The following CXCL13 variants were observed in gnomAD, a reference collection of about 807,000 sequenced individuals.
The protein encoded by CXCL13 is C-X-C motif chemokine 13.
A neutral mutation model predicts 12.2 loss-of-function variants in CXCL13; 7 were observed. The observed-to-expected ratio is 0.57, with a 90% CI of 0.33 to 1.07. The LOEUF is 1.07. Among genes scored for constraint, CXCL13 ranks in the 50% least tolerant of loss-of-function variants. CXCL13 has a pLI of 0.04. For synonymous variants in CXCL13, 47 were observed against 42.4 expected (o/e 1.11, Z -0.42); for missense variants, 113 against 127.4 (o/e 0.89, Z 0.55).
chr4:77,581,253 T>C (rs982571470), intron 1 of CXCL13, among the ~76,000 whole-genome samples: 6 of 152,210 alleles, frequency 3.9e-5, no homozygotes, highest in Admixed American at 6.5e-5. Flanking sequence ...TTGTAAATTA[T>C]ATATCAATAA....
intron 1 of CXCL13, among the ~76,000 whole-genome samples, chr4:77,574,241 A>C (rs1356888015): frequency 6.6e-6 from 1 of 151,784 alleles, no homozygotes; most frequent in Non-Finnish European, 1.5e-5. Context: ...ATCACCTTCA[A>C]TGTCCCATGA....
intron 1 of CXCL13, among the ~76,000 whole-genome samples, chr4:77,577,330 G>T (rs938784591): frequency 6.6e-6 from 1 of 152,032 alleles, no homozygotes; most frequent in Admixed American, 6.6e-5. Context: ...CTTAGCATTT[G>T]GATTATAATA....
rs550473556 is a variant in CXCL13 at position 77,572,292 on chromosome 4, T to TC, written c.-42-33531dup. Among the ~76,000 whole-genome samples the TC allele has an allele frequency of 2.0e-3, 298 of 151,890 alleles. 7 individuals carry two copies. Among genetic ancestry groups the TC allele is most frequent in the Admixed American group, 0.018 (275 of 15,288 alleles). ...GGCACATGCCTGTAATCCCAGCTACTCAGGAAGCTGAGGCATGAGAAGCAT... is the reference window on the plus strand; with the variant it reads ...GGCACATGCCTGTAATCCCAGCTACTCCAGGAAGCTGAGGCATGAGAAGCAT... On this transcript the variant is annotated intron_variant, in intron 1 of 4. Coordinates refer to the CXCL13 transcript ENST00000286758.
intron 1 of CXCL13, among the ~76,000 whole-genome samples, chr4:77,535,978 C>T (rs1183037826): frequency 2.0e-5 from 3 of 152,098 alleles, no homozygotes; most frequent in East Asian, 1.9e-4. Flanking sequence ...ATTTAGAATA[C>T]TTTGTTGAGC....
intron 1 of CXCL13, among the ~76,000 whole-genome samples, chr4:77,581,723 TC>T (rs1229466026): frequency 6.6e-6 from 1 of 152,180 alleles, no homozygotes; most frequent in Non-Finnish European, 1.5e-5. Context: ...TACAATCTTT[TC>T]CCACTATCCT....
intron 1 of CXCL13, among the ~76,000 whole-genome samples, chr4:77,517,496 T>G (rs1724455281): frequency 6.6e-6 from 1 of 152,210 alleles, no homozygotes; most frequent in Admixed American, 6.5e-5. Context: ...TGCTCCTGTA[T>G]TGGGTGCATA....
chr4:77,610,729 A>G (rs1727125925), intron 3 of CXCL13, 35 bp downstream of exon 3: 2 of 1,476,702 alleles, frequency 1.4e-6, no homozygotes, highest in Non-Finnish European at 1.9e-6. Context: ...TCAGATTCCA[A>G]CTTGTACTGA....
chr4:77,603,428 T>A (rs1459304154), upstream of CXCL13, among the ~76,000 whole-genome samples: 2 of 152,214 alleles, frequency 1.3e-5, no homozygotes, highest in Non-Finnish European at 2.9e-5. Flanking sequence ...AAAGCCATAA[T>A]TGAGGTAATA....
chr4:77,562,297 C>G (rs1725835154), intron 1 of CXCL13, among the ~76,000 whole-genome samples: 2 of 151,744 alleles, frequency 1.3e-5, no homozygotes, highest in Non-Finnish European at 2.9e-5. Context: ...GCGCTGGGTC[C>G]CATCGACTGC....
intron 1 of CXCL13, among the ~76,000 whole-genome samples, chr4:77,548,341 A>C (rs1427483168): frequency 1.3e-5 from 2 of 152,228 alleles, no homozygotes; most frequent in Non-Finnish European, 2.9e-5. Flanking sequence ...TATCTTCAAC[A>C]CATTTGAGTT....
intron 1 of CXCL13, among the ~76,000 whole-genome samples, chr4:77,580,841 T>C (rs1726316510): frequency 6.9e-6 from 1 of 144,810 alleles, no homozygotes; most frequent in Non-Finnish European, 1.5e-5. Context: ...CCTCCTCCTT[T>C]CCCCTCTCCC....
In CXCL13 at chr4:77,611,102, T is replaced by C; in HGVS notation, c.*63T>C. 7.4e-7 allele frequency: 1 copy of C among 1,345,682 alleles called. No individual in the cohort carries two copies. The allele number at this position is 1,345,682 out of a possible 1,614,324, so 83.4% of individuals were successfully genotyped here. ...TTATCCCTGCTCTGGATTTTAGTTT[T>C]GTGCTTAGTTAAATCTTTTCCAGGA... On this transcript the variant is annotated 3_prime_UTR_variant, in exon 4 of 4. Coordinates refer to ENST00000682537, the MANE Select transcript of CXCL13 (RefSeq NM_001371558.1).
upstream of CXCL13, among the ~76,000 whole-genome samples, chr4:77,602,907 C>T (rs1726910758): frequency 6.6e-6 from 1 of 152,176 alleles, no homozygotes; most frequent in African/African-American, 2.4e-5. Flanking sequence ...ATCTGGCTAT[C>T]AGAGAGCTGC....
chr4:77,605,253 A>G (rs1253385878), upstream of CXCL13, among the ~76,000 whole-genome samples: 1 of 152,184 alleles, frequency 6.6e-6, no homozygotes, highest in Admixed American at 6.5e-5. Flanking sequence ...GTCAGATTAT[A>G]TAAGTAATCA....
intron 1 of CXCL13, among the ~76,000 whole-genome samples, chr4:77,531,098 TTTATTATTATTA>T (rs59478034): frequency 6.9e-5 from 10 of 144,346 alleles, no homozygotes; most frequent in African/African-American, 1.5e-4. Context: ...AGTGAGTTTC[TTTATTATTATTA>T]TTATTATTAT....
chr4:77,564,397 C>G (rs1484786034), intron 1 of CXCL13, among the ~76,000 whole-genome samples: 1 of 152,172 alleles, frequency 6.6e-6, no homozygotes, highest in Non-Finnish European at 1.5e-5. Context: ...TTGGAGCCAG[C>G]AGGGAAAGTT....
intron 1 of CXCL13, among the ~76,000 whole-genome samples, chr4:77,573,549 TA>T (rs1277804997): frequency 6.6e-6 from 1 of 151,938 alleles, no homozygotes; most frequent in African/African-American, 2.4e-5. Context: ...TTAAGTTCAC[TA>T]AAATTTAAGG....
intron 1 of CXCL13, among the ~76,000 whole-genome samples, chr4:77,585,747 T>C (rs1049141448): frequency 1.1e-4 from 16 of 152,358 alleles, no homozygotes; most frequent in Admixed American, 9.8e-4. Flanking sequence ...CACCTGGTTA[T>C]CTATGCTTTG....
intron 1 of CXCL13, among the ~76,000 whole-genome samples, chr4:77,528,916 A>G (rs966405071): frequency 6.6e-6 from 1 of 152,226 alleles, no homozygotes; most frequent in African/African-American, 2.4e-5. Flanking sequence ...TTTCAGGTCT[A>G]ACATTTAAGT....
Sources: gnomAD v4.1 joint callset for allele counts (sites outside exome capture counted in the v4.1 genomes callset) on GRCh38, gnomAD v4.1.1 for gene constraint, MANE v1.5 for transcripts, NCBI Gene and HGNC (gene_info 2026-07-23, HGNC 2026-07-21) for gene names.